PEDS1: variants seen among roughly 807,000 people sequenced by gnomAD.
PEDS1 encodes the protein plasmanylethanolamine desaturase 1.
In PEDS1, 14 loss-of-function variants were observed where a neutral mutation model predicts 35.2. The observed-to-expected ratio is 0.40, with a 90% CI of 0.26 to 0.62. The LOEUF (loss-of-function observed/expected upper bound fraction) is 0.62. Ranked by LOEUF, PEDS1 falls within the 20% of genes least tolerant of loss-of-function variation. The pLI, the probability that PEDS1 is intolerant of heterozygous loss-of-function variation, is 0.44. For synonymous variants in PEDS1, 152 were observed against 152.0 expected (o/e 1.00, Z 0.00); for missense variants, 260 against 367.8 (o/e 0.71, Z 2.40).
At position 50,153,705 on chromosome 20, in the gene PEDS1, C is replaced by A. The variant is rs1316586781; in HGVS notation, c.-68G>T. 4 of 1,162,302 alleles carry A rather than the reference C, an allele frequency of 3.4e-6. No individual in the cohort carries two copies. The African/African-American group carries it at 6.5e-5, about 19-fold the overall frequency. The allele number at this position is 1,162,302 out of a possible 1,614,324, so 72.0% of individuals were successfully genotyped here. ...CGGCGGCAGGGCCGCGGAACCGCGG[C>A]GAGATCACGCCGCCCAATGACCGCC... On this transcript the variant is annotated 5_prime_UTR_variant, in exon 1 of 6. Transcript: ENST00000371652.
At position 50,124,941 on chromosome 20, in the gene PEDS1, A is replaced by T; in HGVS notation, c.*117T>A. On this transcript the variant is annotated 3_prime_UTR_variant, in exon 6 of 6. Coordinates refer to ENST00000371652, the MANE Select transcript of PEDS1 (RefSeq NM_199129.4). ...GGGGTGGGCTGGGGTACCTGGGCCC[A>T]GCCCAGGAGATGTCCTCTCCATCTG... is the stretch of plus-strand genomic sequence containing the variant. 1 of 1,429,996 alleles carries T rather than the reference A, an allele frequency of 7.0e-7. No individual in the cohort carries two copies. The allele number at this position is 1,429,996 out of a possible 1,614,324, so 88.6% of individuals were successfully genotyped here. A position where few individuals can be genotyped will look rare whatever the true frequency, so the allele number is the denominator to read the frequency against.
At chr20:50,151,387 G>T in intron 1 of PEDS1, 1 of 952,736 alleles carries the variant, frequency 1.0e-6, no homozygotes, top group Non-Finnish European at 1.5e-6. Context: ...TCCCTGGGGA[G>T]GCTCAGAATG....
At chr20:50,151,239 T>G in intron 1 of PEDS1, 1 of 1,304,266 alleles carries the variant, frequency 7.7e-7, no homozygotes, top group Non-Finnish European at 1.0e-6. Flanking sequence ...ATAAAGGGCC[T>G]TGATTGCAGA....
intron 1 of PEDS1, among the ~76,000 whole-genome samples, chr20:50,146,104 G>A (rs1268285367): frequency 2.0e-5 from 3 of 152,168 alleles, no homozygotes; most frequent in African/African-American, 4.8e-5. Context: ...CTTAAGCAGC[G>A]GGGCCAGGCA....
intron 1 of PEDS1, among the ~76,000 whole-genome samples, chr20:50,148,975 G>A (rs1025679756): frequency 1.2e-4 from 18 of 152,088 alleles, no homozygotes; most frequent in African/African-American, 3.6e-4. Context: ...TTAGCTGGGC[G>A]TGGTGGCTCA....
At chr20:50,147,836 C>T (rs1245222077) in intron 1 of PEDS1, among the ~76,000 whole-genome samples, 2 of 152,052 alleles carry the variant, frequency 1.3e-5, no homozygotes, top group African/African-American at 2.4e-5. Context: ...GGGCAGATCA[C>T]GAGGTCAAGA....
chr20:50,134,554 AAATGAATG>A (rs556195523), intron 2 of PEDS1, among the ~76,000 whole-genome samples: 2 of 152,216 alleles, frequency 1.3e-5, no homozygotes, highest in African/African-American at 4.8e-5. Context: ...TCTCAAAAAT[AAATGAATG>A]AATGAATGCT....
chr20:50,133,601 CCA>C (rs2081202020), intron 2 of PEDS1, among the ~76,000 whole-genome samples: 2 of 152,112 alleles, frequency 1.3e-5, no homozygotes, highest in Non-Finnish European at 2.9e-5. Flanking sequence ...GGTGGAAGCC[CCA>C]GAAGGGCTTC....
intron 1 of PEDS1, among the ~76,000 whole-genome samples, chr20:50,146,293 C>G (rs1015000471): frequency 3.9e-5 from 6 of 152,180 alleles, no homozygotes; most frequent in African/African-American, 1.4e-4. Context: ...GATGCCTCCT[C>G]TGACCCCACA....
chr20:50,151,354 G>A (rs927904852), intron 1 of PEDS1: 15 of 1,226,972 alleles, frequency 1.2e-5, no homozygotes, highest in South Asian at 5.0e-5. Flanking sequence ...GCAATTGATC[G>A]TGGTGGAGTG....
chr20:50,145,625 A>C (rs1198633185), intron 1 of PEDS1, among the ~76,000 whole-genome samples: 1 of 151,946 alleles, frequency 6.6e-6, no homozygotes, highest in Non-Finnish European at 1.5e-5. Context: ...CAGAAGGCGG[A>C]GGTTACAGTG....
In PEDS1 at chr20:50,122,892, G is replaced by C. The variant is rs558216435; in HGVS notation, c.*2166C>G. The stretch of plus-strand genomic sequence containing the variant: ...CAAGGCGGATCACTTGAGGCCAGGA[G>C]TTCAAGACCAACCTGGACAACATAG... On this transcript the variant is annotated 3_prime_UTR_variant, in exon 6 of 6. Transcript: ENST00000371652. 5.3e-5 allele frequency: 8 copies of C among 151,196 alleles called. No individual in the cohort carries two copies. The highest frequency in any genetic ancestry group is 1.7e-4 in the African/African-American group (7 of 41,040). The allele number at this position is 151,196 out of a possible 1,614,324, so 9.4% of individuals were successfully genotyped here.
At position 50,123,338 on chromosome 20, in the gene PEDS1, TCA is replaced by T. The variant is rs1237498437; in HGVS notation, c.*1718_*1719del. ...TTGAGTGCAATGGCTCGATCTCGGCTCACTGCAACCTTCACCTCCCGGGTTCA... is the reference window on the plus strand; with the variant it reads ...TTGAGTGCAATGGCTCGATCTCGGCTCTGCAACCTTCACCTCCCGGGTTCA... On this transcript the variant is annotated 3_prime_UTR_variant, in exon 6 of 6. Coordinates refer to ENST00000371652, the MANE Select transcript of PEDS1 (RefSeq NM_199129.4). 6.6e-6 allele frequency: 1 copy of T among 151,922 alleles called. No homozygotes were observed. Among genetic ancestry groups the T allele is most frequent in the East Asian group, 1.9e-4 (1 of 5,172 alleles). The allele number at this position is 151,922 out of a possible 1,614,324, so 9.4% of individuals were successfully genotyped here.
At chr20:50,144,809 T>C (rs1003995200) in intron 1 of PEDS1, among the ~76,000 whole-genome samples, 3 of 152,146 alleles carry the variant, frequency 2.0e-5, no homozygotes, top group African/African-American at 7.2e-5. Context: ...GCCATTTATG[T>C]TAAAAAAAAA....
In PEDS1 at chr20:50,123,058, T is replaced by C. The variant is rs1414111455; in HGVS notation, c.*2000A>G. 1 of 152,216 alleles carries C rather than the reference T, an allele frequency of 6.6e-6. No homozygotes were observed. Among genetic ancestry groups the C allele is most frequent in the Non-Finnish European group, 1.5e-5 (1 of 68,064 alleles). 9.4% of individuals were successfully genotyped at this position (152,216 alleles called of 1,614,324 possible). A position where few individuals can be genotyped will look rare whatever the true frequency, so the allele number is the denominator to read the frequency against. ...GCTATTACACCTCACCTCTGCACTT[T>C]AGCCTGGGTGACAGAGCATGACCCT... On this transcript the variant is annotated 3_prime_UTR_variant, in exon 6 of 6. Transcript: ENST00000371652.
rs2081060553 is a variant in PEDS1 at position 50,122,590 on chromosome 20, C to CT, written c.*2467dup. On this transcript the variant is annotated 3_prime_UTR_variant, in exon 6 of 6. Coordinates refer to ENST00000371652, the MANE Select transcript of PEDS1 (RefSeq NM_199129.4). ...TGGTGGTGGGCGCCTGTAATCCCAG[C>CT]TACTCAGAAATGTCATTATCTGTGA... The CT allele has an allele frequency of 6.6e-6, 1 of 152,088 alleles. No homozygotes were observed. Among genetic ancestry groups the CT allele is most frequent in the African/African-American group, 2.4e-5 (1 of 41,394 alleles). 9.4% of individuals were successfully genotyped at this position (152,088 alleles called of 1,614,324 possible).
chr20:50,126,612 G>T (rs1363994788), intron 5 of PEDS1, among the ~76,000 whole-genome samples: 1 of 152,178 alleles, frequency 6.6e-6, no homozygotes, highest in Non-Finnish European at 1.5e-5. Flanking sequence ...GCCCTATTTT[G>T]TAAGGAGAAA....
In PEDS1 at chr20:50,143,537, C is replaced by T. The variant is rs767356175; in HGVS notation, c.206G>A (p.Arg69His). The T allele has an allele frequency of 5.6e-6, 9 of 1,612,264 alleles. No homozygotes were observed. The highest frequency in any genetic ancestry group is 1.6e-4 in the Middle Eastern group (1 of 6,080). The change falls in exon 2 of 6, where the codon CGC becomes CAC. Residue 69 changes from arginine (R) to histidine (H), a missense_variant. Physicochemically the swap from Arg to His is conservative, Grantham distance 29 (BLOSUM62 0). This residue lies in a region of PEDS1 where 114 missense variants were observed against 121.6 expected (regional missense o/e 0.94). Transcript: ENST00000371652. ...TATGACGAGGGGTGTGTCCTCCCAG[C>T]GGGCCAGCAGCAGGAGATGGACCAG... ...HNLVHLLLLA[R>H]WEDTPLVILG...
chr20:50,149,358 A>T (rs1273940242), intron 1 of PEDS1, among the ~76,000 whole-genome samples: 1 of 152,056 alleles, frequency 6.6e-6, no homozygotes, highest in Non-Finnish European at 1.5e-5. Flanking sequence ...TGGATCAAGG[A>T]CCGTGAGGCT....
Sources: gnomAD v4.1 joint callset for allele counts (sites outside exome capture counted in the v4.1 genomes callset) on GRCh38, gnomAD v4.1.1 for gene constraint, gnomAD v4.1.1 regional missense constraint, MANE v1.5 for transcripts, NCBI Gene and HGNC (gene_info 2026-07-23, HGNC 2026-07-21) for gene names.